The following EPHA6 variants were observed in gnomAD, a reference collection of about 807,000 sequenced individuals.
EPHA6 encodes the protein EPH receptor A6, also known as ephrin type-A receptor 6.
A neutral mutation model predicts 112.0 loss-of-function variants in EPHA6; 50 were observed. The ratio of observed to expected loss-of-function variants is 0.45; its 90% CI spans 0.36 to 0.56. The LOEUF is 0.56. Ranked by LOEUF, EPHA6 falls within the 20% of genes least tolerant of loss-of-function variation. EPHA6 has a pLI of 0.00. For missense variants in EPHA6, 1,280 were observed against 1,417.4 expected (o/e 0.90, Z 1.56); for synonymous variants, 529 against 490.7 (o/e 1.08, Z -1.03).
At chr3:97,548,139 A>C (rs1247775093) in intron 11 of EPHA6, among the ~76,000 whole-genome samples, 1 of 151,870 alleles carries the variant, frequency 6.6e-6, no homozygotes, top group Non-Finnish European at 1.5e-5. Flanking sequence ...ATGCAAAATC[A>C]CCCGTCTTCT....
chr3:97,466,873 GT>G (rs2091074320), intron 7 of EPHA6, among the ~76,000 whole-genome samples: 1 of 151,888 alleles, frequency 6.6e-6, no homozygotes, highest in African/African-American at 2.4e-5. Context: ...TACCTTCGTA[GT>G]ATTTGTGATG....
At chr3:97,507,783 G>A (rs933929278) in intron 10 of EPHA6, among the ~76,000 whole-genome samples, 7 of 151,394 alleles carry the variant, frequency 4.6e-5, no homozygotes, top group Non-Finnish European at 2.9e-5. Context: ...CTGTGAATCT[G>A]TCTGGTCCTG....
chr3:97,241,440 T>C (rs1165563622), intron 4 of EPHA6, among the ~76,000 whole-genome samples: 2 of 151,834 alleles, frequency 1.3e-5, no homozygotes, highest in African/African-American at 4.8e-5. Context: ...TCTCCAAAAG[T>C]ATTATTGCTG....
chr3:97,476,583 A>T (rs147639304), intron 8 of EPHA6, among the ~76,000 whole-genome samples: 7 of 152,268 alleles, frequency 4.6e-5, no homozygotes, highest in East Asian at 3.9e-4. Flanking sequence ...TAATACACAT[A>T]TGAAAAATTG....
chr3:96,866,693 C>T, intron 1 of EPHA6, 132 bp from the exon 2 acceptor site: 1 of 434,700 alleles, frequency 2.3e-6, no homozygotes, highest in Non-Finnish European at 4.1e-6. Context: ...GAAGATAACT[C>T]ATTAAACTTA....
chr3:97,731,933 CA>C (rs1029852128), intron 15 of EPHA6, among the ~76,000 whole-genome samples: 1 of 151,906 alleles, frequency 6.6e-6, no homozygotes, highest in African/African-American at 2.4e-5. Context: ...CCAGTCCTGT[CA>C]AAACAGTTCA....
intron 5 of EPHA6, among the ~76,000 whole-genome samples, chr3:97,338,622 C>T (rs1286523349): frequency 6.6e-6 from 1 of 152,144 alleles, no homozygotes; most frequent in Admixed American, 6.6e-5. Flanking sequence ...CCACAGCCTA[C>T]AAGCTCCAGA....
intron 2 of EPHA6, among the ~76,000 whole-genome samples, chr3:96,910,029 A>G (rs2039136758): frequency 6.6e-6 from 1 of 152,004 alleles, no homozygotes; most frequent in Non-Finnish European, 1.5e-5. Context: ...GAGGATGCCC[A>G]TTCTCTGGAA....
intron 3 of EPHA6, among the ~76,000 whole-genome samples, chr3:97,038,648 T>C (rs759995925): frequency 4.6e-5 from 7 of 152,114 alleles, no homozygotes; most frequent in Non-Finnish European, 7.4e-5. Context: ...CCTTTGTCTC[T>C]GGCTGTCCTC....
At chr3:96,969,940 C>T (rs2107779602) in intron 2 of EPHA6, among the ~76,000 whole-genome samples, 1 of 151,998 alleles carries the variant, frequency 6.6e-6, no homozygotes, top group African/African-American at 2.4e-5. Context: ...ATATTCATTT[C>T]ATTTATTTCA....
At chr3:97,618,698 C>T (rs1309057185) in intron 13 of EPHA6, among the ~76,000 whole-genome samples, 1 of 151,996 alleles carries the variant, frequency 6.6e-6, no homozygotes, top group Non-Finnish European at 1.5e-5. Context: ...TGCACCCTCC[C>T]AAGACTGAAC....
Position 96,913,222 on chromosome 3 carries a change from C to T in EPHA6, c.450+46333C>T, listed in dbSNP as rs536779790. Among the ~76,000 whole-genome samples, 956 of 150,100 alleles carry T rather than the reference C, an allele frequency of 6.4e-3. 7 individuals are homozygous for T. The highest frequency in any genetic ancestry group is 0.021 in the African/African-American group (866 of 40,740). Reference sequence around the variant, plus strand: ...CACACACACACACACACCACACACACGGGCATGGTGACACATACCTGTAGT... The same window carrying T: ...CACACACACACACACACCACACACATGGGCATGGTGACACATACCTGTAGT... On this transcript the variant is annotated intron_variant, in intron 2 of 17. Transcript: ENST00000389672.
intron 14 of EPHA6, among the ~76,000 whole-genome samples, chr3:97,676,381 C>T (rs528737946): frequency 6.6e-6 from 1 of 152,170 alleles, no homozygotes; most frequent in African/African-American, 2.4e-5. Flanking sequence ...TGAGAACTGA[C>T]CATTTGATTT....
At chr3:97,037,884 A>G (rs1184014613) in intron 3 of EPHA6, among the ~76,000 whole-genome samples, 1 of 152,062 alleles carries the variant, frequency 6.6e-6, no homozygotes, top group Non-Finnish European at 1.5e-5. Context: ...GTGTGATAAA[A>G]CAAGGGTATG....
intron 3 of EPHA6, among the ~76,000 whole-genome samples, chr3:97,021,242 G>A (rs2044447776): frequency 6.6e-6 from 1 of 152,136 alleles, no homozygotes; most frequent in African/African-American, 2.4e-5. Context: ...CTAAGAAGCA[G>A]CTGGTCGTTT....
intron 2 of EPHA6, among the ~76,000 whole-genome samples, chr3:96,887,719 G>A (rs1033919046): frequency 7.2e-5 from 11 of 152,060 alleles, no homozygotes; most frequent in East Asian, 1.9e-4. Flanking sequence ...AGGTCAGGGC[G>A]GGGCTAGGTG....
chr3:97,633,631 A>G (rs1178735533), intron 13 of EPHA6, among the ~76,000 whole-genome samples: 2 of 152,104 alleles, frequency 1.3e-5, no homozygotes, highest in Non-Finnish European at 2.9e-5. Flanking sequence ...AAGAAAAGGA[A>G]ACAGTCTGTT....
chr3:96,996,828 A>G (rs2043441977), intron 3 of EPHA6, among the ~76,000 whole-genome samples: 1 of 152,062 alleles, frequency 6.6e-6, no homozygotes, highest in African/African-American at 2.4e-5. Flanking sequence ...ACTTAAACTC[A>G]CAAGCTGCAT....
intron 11 of EPHA6, among the ~76,000 whole-genome samples, chr3:97,565,285 A>C (rs1350106030): frequency 6.6e-6 from 1 of 152,182 alleles, no homozygotes; most frequent in Non-Finnish European, 1.5e-5. Flanking sequence ...GCAATTATGC[A>C]TTTGTAGTAA....
Sources: allele counts gnomAD v4.1 joint callset (sites outside exome capture counted in the v4.1 genomes callset), GRCh38; gene constraint gnomAD v4.1.1; transcripts MANE v1.5; gene names NCBI Gene and HGNC (gene_info 2026-07-23, HGNC 2026-07-21).